ZNF423: variants seen among roughly 807,000 people sequenced by gnomAD.
ZNF423 encodes the protein zinc finger protein 423, also known as Ebf-associated zinc finger protein.
A neutral mutation model predicts 95.8 loss-of-function variants in ZNF423; 12 were observed. The observed-to-expected ratio is 0.13, with a 90% CI of 0.08 to 0.20. The LOEUF (loss-of-function observed/expected upper bound fraction) is 0.20, where lower values mean the gene tolerates loss of function less well. ZNF423 is among the 10% of genes least tolerant of loss of function. The pLI, the probability that ZNF423 is intolerant of heterozygous loss-of-function variation, is 1.00. For synonymous variants in ZNF423, 749 were observed against 711.9 expected, an observed-to-expected ratio of 1.05 and a Z score of -0.83; for missense variants, 1,316 against 1,737.1, an observed-to-expected ratio of 0.76 and a Z score of 4.31.
intron 5 of ZNF423, among the ~76,000 whole-genome samples, chr16:49,617,019 C>T (rs1005909899): frequency 5.9e-5 from 9 of 152,180 alleles, no homozygotes; most frequent in Admixed American, 6.5e-5. Context: ...GTGAGTTGCA[C>T]TGTTTGTGCT....
intron 5 of ZNF423, among the ~76,000 whole-genome samples, chr16:49,561,485 T>C (rs1476744890): frequency 1.3e-5 from 2 of 152,176 alleles, no homozygotes; most frequent in African/African-American, 4.8e-5. Flanking sequence ...CCTTAATCCA[T>C]AACCTCTCTT....
chr16:49,728,790 T>A (rs774007971), intron 3 of ZNF423, among the ~76,000 whole-genome samples: 6 of 152,120 alleles, frequency 3.9e-5, no homozygotes, highest in South Asian at 2.1e-4. Context: ...CAGAGTGCAG[T>A]GGCATGATCT....
At chr16:49,748,809 C>T (rs962521404) in intron 2 of ZNF423, among the ~76,000 whole-genome samples, 2 of 152,154 alleles carry the variant, frequency 1.3e-5, no homozygotes, top group African/African-American at 2.4e-5. Context: ...AACTGAGGCC[C>T]CGAGGGGGAA....
At chr16:49,688,092 G>A (rs76413799) in intron 3 of ZNF423, among the ~76,000 whole-genome samples, 5 of 30,954 alleles carry the variant, frequency 1.6e-4, no homozygotes, top group African/African-American at 6.9e-4. Flanking sequence ...CTGGTTGAGA[G>A]GGAAAAAAAA....
intron 5 of ZNF423, among the ~76,000 whole-genome samples, chr16:49,544,841 C>T (rs1969384686): frequency 6.6e-6 from 1 of 152,272 alleles, no homozygotes; most frequent in African/African-American, 2.4e-5. Context: ...CATCCTTCTT[C>T]TATTCTGCAG....
rs56066766 is a variant in ZNF423, at chr16:49,644,658, C to CAAAAAA, written c.302-5790_302-5785dup. 4.3e-4 allele frequency among the ~76,000 whole-genome samples: 17 copies of CAAAAAA among 39,578 alleles called. 1 individual carries two copies. Among genetic ancestry groups the CAAAAAA allele is most frequent in the Admixed American group, 9.0e-4 (2 of 2,232 alleles). The allele number at this position is 39,578 out of a possible 152,430, so 26.0% of individuals were successfully genotyped here. A position where few individuals can be genotyped will look rare whatever the true frequency, so the allele number is the denominator to read the frequency against. Reference sequence around the variant, plus strand: ...GGGTAACAAGAGTAAAACTCTGACTCAAAAAAAAAAAAAAAAAAAAAAAAA... The same window carrying CAAAAAA: ...GGGTAACAAGAGTAAAACTCTGACTCAAAAAAAAAAAAAAAAAAAAAAAAAAAAAAA... On this transcript the variant is annotated intron_variant, in intron 3 of 7. Transcript: ENST00000563137.
At chr16:49,757,758 G>A (rs1404986099) in intron 2 of ZNF423, among the ~76,000 whole-genome samples, 1 of 152,174 alleles carries the variant, frequency 6.6e-6, no homozygotes, top group Non-Finnish European at 1.5e-5. Flanking sequence ...GCCCTGGACA[G>A]CCCCAACAGC....
intron 3 of ZNF423, among the ~76,000 whole-genome samples, chr16:49,677,282 A>AGAAGAGAAGG (rs2031119011): frequency 1.2e-5 from 1 of 81,584 alleles, no homozygotes; most frequent in Non-Finnish European, 2.5e-5. Context: ...AGAAGAGAAG[A>AGAAGAGAAGG]GAAGAGAAGA....
At chr16:49,775,535 G>A (rs1294963393) in intron 2 of ZNF423, among the ~76,000 whole-genome samples, 1 of 152,202 alleles carries the variant, frequency 6.6e-6, no homozygotes, top group Admixed American at 6.5e-5. Context: ...CACATGTCAT[G>A]TACCCTCTCA....
intron 3 of ZNF423, among the ~76,000 whole-genome samples, chr16:49,649,942 A>G (rs527822950): frequency 1.2e-4 from 19 of 152,266 alleles, no homozygotes; most frequent in Non-Finnish European, 2.8e-4. Context: ...CTATTCACTC[A>G]TTCCTCCTCC....
intron 1 of ZNF423, among the ~76,000 whole-genome samples, chr16:49,813,650 A>C (rs1218292259): frequency 1.3e-5 from 2 of 152,224 alleles, no homozygotes; most frequent in Non-Finnish European, 2.9e-5. Context: ...AGCTGCCCCA[A>C]GGCCTCCATC....
chr16:49,772,214 G>A (rs2034047646), intron 2 of ZNF423, among the ~76,000 whole-genome samples: 1 of 152,228 alleles, frequency 6.6e-6, no homozygotes, highest in Non-Finnish European at 1.5e-5. Flanking sequence ...CGACGTCCAA[G>A]GGCAGGAGAA....
At chr16:49,666,217 ACT>A (rs1318508950) in intron 3 of ZNF423, among the ~76,000 whole-genome samples, 2 of 152,148 alleles carry the variant, frequency 1.3e-5, no homozygotes, top group South Asian at 2.1e-4. Flanking sequence ...CATGTGTGTA[ACT>A]CTGTTCTACA....
intron 3 of ZNF423, among the ~76,000 whole-genome samples, chr16:49,720,761 C>G (rs1010066090): frequency 1.3e-5 from 2 of 152,222 alleles, no homozygotes; most frequent in African/African-American, 4.8e-5. Flanking sequence ...GCATGTAATT[C>G]CTACCTCCTA....
chr16:49,495,761 AG>A (rs1459316201), intron 7 of ZNF423, among the ~76,000 whole-genome samples: 1 of 152,106 alleles, frequency 6.6e-6, no homozygotes, highest in Non-Finnish European at 1.5e-5. Context: ...GCGCCCCAGG[AG>A]GGGGCCCTGG....
rs567708968 is a variant in ZNF423 at position 49,788,314 on chromosome 16, T to C, written c.100+1173A>G. On this transcript the variant is annotated intron_variant, in intron 2 of 7. Transcript: ENST00000563137. ...CACAGGCTTGGGTTCAAGGGCTTAG[T>C]CTCCTTTCCCAAATTTCATTGAACC... Among the ~76,000 whole-genome samples, 63 of 152,254 alleles carry C rather than the reference T, an allele frequency of 4.1e-4. No homozygotes were observed. The South Asian group carries it at 0.013, about 31-fold the overall frequency.
intron 3 of ZNF423, among the ~76,000 whole-genome samples, chr16:49,682,185 T>C (rs1284294653): frequency 2.0e-5 from 3 of 152,038 alleles, no homozygotes; most frequent in African/African-American, 4.8e-5. Flanking sequence ...CTGTCCTGCC[T>C]TTCTGCCTGC....
chr16:49,856,338 G>A (rs2035369609), upstream of ZNF423, among the ~76,000 whole-genome samples: 1 of 149,000 alleles, frequency 6.7e-6, no homozygotes, highest in South Asian at 2.2e-4. Context: ...ACCCATCTGA[G>A]GAGGGGGAAC....
intron 2 of ZNF423, among the ~76,000 whole-genome samples, chr16:49,781,475 C>G (rs370508893): frequency 6.6e-6 from 1 of 152,102 alleles, no homozygotes; most frequent in Admixed American, 6.5e-5. Context: ...AGCTTATAGA[C>G]GAATGGAGCT....
Sources: allele counts gnomAD v4.1 joint callset (sites outside exome capture counted in the v4.1 genomes callset), GRCh38; gene constraint gnomAD v4.1.1; transcripts MANE v1.5; gene names NCBI Gene and HGNC (gene_info 2026-07-23, HGNC 2026-07-21).